GALNTL6: variants seen among roughly 807,000 people sequenced by gnomAD.
GALNTL6 encodes polypeptide N-acetylgalactosaminyltransferase like 6.
Under a neutral mutation model 73.7 loss-of-function variants are expected in GALNTL6, and 46 were observed. That is an observed-to-expected ratio of 0.62 (90% CI 0.49 to 0.80). GALNTL6 has a LOEUF of 0.80. GALNTL6 is among the 30% of genes least tolerant of loss of function. The probability of loss-of-function intolerance (pLI) is 0.00; values close to 1 mark genes in which losing one functional copy is unlikely to be tolerated. For synonymous variants in GALNTL6, 259 were observed against 263.7 expected, an observed-to-expected ratio of 0.98 and a Z score of 0.17; for missense variants, 604 against 755.0, an observed-to-expected ratio of 0.80 and a Z score of 2.34.
chr4:171,837,592 T>G (rs2110836639), intron 2 of GALNTL6, among the ~76,000 whole-genome samples: 1 of 147,272 alleles, frequency 6.8e-6, no homozygotes, highest in African/African-American at 2.5e-5. Flanking sequence ...TAGATATTAA[T>G]TATTATATAT....
At chr4:172,457,545 C>G (rs1464308408) in intron 5 of GALNTL6, among the ~76,000 whole-genome samples, 1 of 151,870 alleles carries the variant, frequency 6.6e-6, no homozygotes, top group Non-Finnish European at 1.5e-5. Context: ...AAAGCAAAAA[C>G]AAGCAGGGAT....
intron 5 of GALNTL6, among the ~76,000 whole-genome samples, chr4:172,699,246 A>G (rs1733883602): frequency 6.6e-6 from 1 of 152,146 alleles, no homozygotes; most frequent in African/African-American, 2.4e-5. Flanking sequence ...CAACATATGA[A>G]TTCAGGGGGA....
chr4:172,974,959 G>T (rs1750740920), intron 10 of GALNTL6, among the ~76,000 whole-genome samples: 1 of 152,196 alleles, frequency 6.6e-6, no homozygotes, highest in East Asian at 1.9e-4. Flanking sequence ...CTCCAAAGAG[G>T]GTGTCACAGC....
intron 2 of GALNTL6, among the ~76,000 whole-genome samples, chr4:172,002,901 C>G (rs917278252): frequency 6.6e-6 from 1 of 152,092 alleles, no homozygotes; most frequent in African/African-American, 2.4e-5. Context: ...CATTTCAAAA[C>G]CTTATATTGT....
chr4:172,858,786 G>A (rs1579574324), intron 7 of GALNTL6, among the ~76,000 whole-genome samples: 2 of 151,978 alleles, frequency 1.3e-5, no homozygotes, highest in Admixed American at 1.3e-4. Flanking sequence ...AAAAAAAATG[G>A]CCCCACTCAA....
chr4:172,704,627 A>C (rs1308628051), intron 5 of GALNTL6, among the ~76,000 whole-genome samples: 1 of 152,036 alleles, frequency 6.6e-6, no homozygotes, highest in African/African-American at 2.4e-5. Flanking sequence ...TCTATCCTAG[A>C]GAATGTTCCA....
intron 2 of GALNTL6, among the ~76,000 whole-genome samples, chr4:172,227,515 C>A (rs1736909579): frequency 1.3e-5 from 2 of 152,124 alleles, no homozygotes; most frequent in Admixed American, 1.3e-4. Context: ...AAGAGTCTAA[C>A]TGCCCCTTAT....
intron 2 of GALNTL6, among the ~76,000 whole-genome samples, chr4:171,927,820 T>C (rs575135071): frequency 1.3e-5 from 2 of 152,312 alleles, no homozygotes; most frequent in African/African-American, 4.8e-5. Context: ...CTTTGCATGG[T>C]TGTCTCTCTC....
intron 2 of GALNTL6, among the ~76,000 whole-genome samples, chr4:172,039,476 T>G (rs1175069990): frequency 1.3e-5 from 2 of 152,144 alleles, no homozygotes; most frequent in East Asian, 3.9e-4. Context: ...CCAGAAGCAT[T>G]GGCTATATTA....
chr4:172,593,760 G>A (rs980488347), intron 5 of GALNTL6, among the ~76,000 whole-genome samples: 4 of 151,164 alleles, frequency 2.6e-5, no homozygotes, highest in African/African-American at 4.9e-5. Flanking sequence ...ACGGAGTTTC[G>A]CTCTTGTTGC....
intron 4 of GALNTL6, among the ~76,000 whole-genome samples, chr4:172,325,639 A>G (rs1740916623): frequency 6.6e-6 from 1 of 151,936 alleles, no homozygotes; most frequent in African/African-American, 2.4e-5. Flanking sequence ...AGGGGAGTAT[A>G]AAATAATCTA....
chr4:171,835,272 C>G (rs1272389775), intron 2 of GALNTL6, among the ~76,000 whole-genome samples: 1 of 151,570 alleles, frequency 6.6e-6, no homozygotes, highest in East Asian at 1.9e-4. Context: ...TTTCTAAGGT[C>G]AAGTAGGATT....
At chr4:172,479,460 CCAGAAA>C (rs1450081764) in intron 5 of GALNTL6, among the ~76,000 whole-genome samples, 1 of 152,072 alleles carries the variant, frequency 6.6e-6, no homozygotes, top group Non-Finnish European at 1.5e-5. Context: ...AGTGAAGTAA[CCAGAAA>C]CAGAATGTTC....
At chr4:172,818,706 C>A (rs1274913926) in intron 7 of GALNTL6, among the ~76,000 whole-genome samples, 4 of 152,154 alleles carry the variant, frequency 2.6e-5, no homozygotes, top group Non-Finnish European at 5.9e-5. Flanking sequence ...TCAAGTGATT[C>A]TCCTGCCTCA....
intron 2 of GALNTL6, among the ~76,000 whole-genome samples, chr4:172,182,294 T>A (rs1160541959): frequency 6.6e-6 from 1 of 152,164 alleles, no homozygotes; most frequent in Non-Finnish European, 1.5e-5. Flanking sequence ...TTTCATTAGA[T>A]GTGTCTTGGG....
chr4:172,292,909 A>G (rs952716792), intron 3 of GALNTL6, among the ~76,000 whole-genome samples: 1 of 152,146 alleles, frequency 6.6e-6, no homozygotes, highest in African/African-American at 2.4e-5. Flanking sequence ...TTGTTGGAAC[A>G]ATTGAAAGTT....
intron 2 of GALNTL6, among the ~76,000 whole-genome samples, chr4:172,082,453 C>T (rs998577676): frequency 2.6e-5 from 4 of 152,058 alleles, no homozygotes; most frequent in Admixed American, 6.6e-5. Flanking sequence ...GTGGCAATTG[C>T]ACCTGCAGTT....
At chr4:171,879,992 G>A (rs1267519159) in intron 2 of GALNTL6, among the ~76,000 whole-genome samples, 1 of 152,026 alleles carries the variant, frequency 6.6e-6, no homozygotes, top group Admixed American at 6.6e-5. Context: ...CATTATTGAG[G>A]CCTATCTCAA....
At chr4:172,770,068 A>T (rs1388724806) in intron 5 of GALNTL6, among the ~76,000 whole-genome samples, 1 of 152,152 alleles carries the variant, frequency 6.6e-6, no homozygotes. Context: ...GTTCGAAACC[A>T]GCCTGACCAA....
Sources: gnomAD v4.1 joint callset for allele counts (sites outside exome capture counted in the v4.1 genomes callset) on GRCh38, gnomAD v4.1.1 for gene constraint, MANE v1.5 for transcripts, NCBI Gene and HGNC (gene_info 2026-07-23, HGNC 2026-07-21) for gene names.